Variants in RBBP6 observed in about 807,000 individuals in gnomAD.
RBBP6 encodes the protein E3 ubiquitin-protein ligase RBBP6.
A neutral mutation model predicts 167.7 loss-of-function variants in RBBP6; 25 were observed. That is an observed-to-expected ratio of 0.15 (90% CI 0.11 to 0.21). The LOEUF (loss-of-function observed/expected upper bound fraction) is 0.21, where lower values mean the gene tolerates loss of function less well. Ranked by LOEUF, RBBP6 falls within the 10% of genes least tolerant of loss-of-function variation. The pLI is 1.00. For synonymous variants in RBBP6, 789 were observed against 735.8 expected, an observed-to-expected ratio of 1.07 and a Z score of -1.17; for missense variants, 1,868 against 2,134.2, an observed-to-expected ratio of 0.88 and a Z score of 2.46.
intron 1 of RBBP6, among the ~76,000 whole-genome samples, chr16:24,545,497 T>G (rs1474494043): frequency 6.6e-6 from 1 of 152,214 alleles, no homozygotes; most frequent in Non-Finnish European, 1.5e-5. Context: ...GTCATTCTTT[T>G]CTTTTATTTT....
intron 8 of RBBP6, among the ~76,000 whole-genome samples, chr16:24,561,185 C>T (rs953155684): frequency 6.6e-6 from 1 of 151,938 alleles, no homozygotes; most frequent in African/African-American, 2.4e-5. Context: ...CTACAATATT[C>T]CAGTTACTAG....
chr16:24,560,900 A>G (rs1219055312), intron 8 of RBBP6, among the ~76,000 whole-genome samples: 1 of 152,196 alleles, frequency 6.6e-6, no homozygotes, highest in Non-Finnish European at 1.5e-5. Context: ...TCCCCTTTGG[A>G]TACCTGTAAA....
intron 4 of RBBP6, chr16:24,554,765 GTTTT>G (rs3840856): frequency 7.0e-6 from 1 of 143,132 alleles, no homozygotes; most frequent in African/African-American, 2.6e-5. Context: ...TGGGGGATTG[GTTTT>G]TTTTTTTTGT....
Position 24,571,090 on chromosome 16 carries a change from G to T in RBBP6, c.4024G>T (p.Val1342Leu). The T allele has an allele frequency of 4.3e-6, 7 of 1,612,358 alleles. No individual in the cohort carries two copies. Among genetic ancestry groups the T allele is most frequent in the Non-Finnish European group, 4.2e-6 (5 of 1,178,748 alleles). ...DVKSTQPISSVGKPASVIKNV... is the reference protein window; with the variant it reads ...DVKSTQPISSLGKPASVIKNV... The stretch of plus-strand genomic sequence containing the variant: ...TAAATCCACACAGCCTATATCAAGT[G>T]TAGGAAAACCTGCTAGTGTTATAAA... The change falls in exon 18 of 18, where the codon GTA becomes TTA. Residue 1342 changes from valine to leucine, a missense_variant. Physicochemically the swap from Val to Leu is conservative, Grantham distance 32 (BLOSUM62 1). Coordinates refer to ENST00000319715, the MANE Select transcript of RBBP6 (RefSeq NM_006910.5).
chr16:24,541,909 A>G (rs1191084036), intron 1 of RBBP6, among the ~76,000 whole-genome samples: 1 of 152,230 alleles, frequency 6.6e-6, no homozygotes, highest in African/African-American at 2.4e-5. Flanking sequence ...CCCCACCTCC[A>G]GCCTGTAGTT....
In RBBP6 at chr16:24,561,724, CTG is replaced by C. The variant is rs759680354; in HGVS notation, c.951+11_951+12del. 13 of 1,611,786 alleles carry C rather than the reference CTG, an allele frequency of 8.1e-6. No individual in the cohort carries two copies. The highest frequency in any genetic ancestry group is 1.7e-5 in the Admixed American group (1 of 59,998). On this transcript the variant is annotated intron_variant, in intron 9 of 17. Transcript: ENST00000319715. ...ATAAATTTTTACGACAGGTAACTGT[CTG>C]TATCCATTTTATGAAAAAATTCTTT...
chr16:24,555,757 C>G, intron 5 of RBBP6, 54 bp downstream of exon 5: 1 of 1,590,638 alleles, frequency 6.3e-7, no homozygotes, highest in South Asian at 1.1e-5. Context: ...GGTTTTCCCC[C>G]CCAATCAAAA....
chr16:24,569,626 G>A lies in RBBP6; in HGVS notation c.2936G>A (p.Ser979Asn). The A allele has an allele frequency of 1.9e-6, 3 of 1,612,566 alleles. No individual in the cohort carries two copies. Among genetic ancestry groups the A allele is most frequent in the Non-Finnish European group, 2.5e-6 (3 of 1,179,690 alleles). The change falls in exon 17 of 18, where the codon AGT becomes AAT. Residue 979 changes from serine to asparagine, a missense_variant. Ser to Asn is a conservative substitution (Grantham distance 46). Around this residue, in one of 7 missense-constraint regions of RBBP6, gnomAD observed 673 missense variants for 691.5 expected, o/e 0.97. Coordinates refer to ENST00000319715, the MANE Select transcript of RBBP6 (RefSeq NM_006910.5). ...NKTDSLFVLP[S>N]RDDATPVRDE... ...ACAGACTCATTGTTTGTTCTCCCAAGTAGAGATGATGCCACACCTGTTAGA... is the reference window on the plus strand; with the variant it reads ...ACAGACTCATTGTTTGTTCTCCCAAATAGAGATGATGCCACACCTGTTAGA...
intron 13 of RBBP6, among the ~76,000 whole-genome samples, 175 bp downstream of exon 13, chr16:24,563,839 G>A (rs1047387157): frequency 6.6e-6 from 1 of 151,382 alleles, no homozygotes; most frequent in Non-Finnish European, 1.5e-5. Context: ...CAAAATTCAA[G>A]CTTATATGAG....
Position 24,571,597 on chromosome 16 carries a change from CAGA to C in RBBP6, c.4533_4535del (p.Lys1512del). The C allele has an allele frequency of 6.2e-7, 1 of 1,610,940 alleles. No individual in the cohort carries two copies. Among genetic ancestry groups the C allele is most frequent in the Non-Finnish European group, 8.5e-7 (1 of 1,179,316 alleles). On this transcript the variant is annotated inframe_deletion, in exon 18 of 18. Transcript: ENST00000319715. ...TCGGAATAAAGATTCTGCATCTGGACAGAAAAATAAACCAAGGGAAGAGAGAGA... is the reference window on the plus strand; with the variant it reads ...TCGGAATAAAGATTCTGCATCTGGACAAAATAAACCAAGGGAAGAGAGAGA...
At position 24,540,303 on chromosome 16, in the gene RBBP6, C is replaced by T; in HGVS notation, c.-324C>T. ...ACCGCTACTGACTGCACCGCCAATC[C>T]CCCCGTCTCTGCCGGCCCCTTAGCA... On this transcript the variant is annotated 5_prime_UTR_variant, in exon 1 of 18. Transcript: ENST00000319715. 1 of 245,244 alleles carries T rather than the reference C, an allele frequency of 4.1e-6. No homozygotes were observed. The highest frequency in any genetic ancestry group is 8.1e-6 in the Non-Finnish European group (1 of 123,910). 15.2% of individuals were successfully genotyped at this position (245,244 alleles called of 1,614,324 possible).
intron 8 of RBBP6, among the ~76,000 whole-genome samples, chr16:24,561,114 C>G (rs1050291364): frequency 2.0e-5 from 3 of 152,134 alleles, no homozygotes; most frequent in Admixed American, 1.3e-4. Flanking sequence ...GAATAAAAAC[C>G]CCAAGTTAGC....
rs1050112830 is a variant in RBBP6 at position 24,567,042 on chromosome 16, T to C, written c.1590-101T>C. ...AGTTGAATAGTTGGTTCTATTCCAC[T>C]GTTTTTAAGTTTGAAAATAATTATG... On this transcript the variant is annotated intron_variant, in intron 14 of 17. Transcript: ENST00000319715. 2.3e-5 allele frequency: 29 copies of C among 1,267,494 alleles called. No individual in the cohort carries two copies. In the African/African-American group the frequency reaches 3.9e-4, roughly 17 times the overall value. 78.5% of individuals were successfully genotyped at this position (1,267,494 alleles called of 1,614,324 possible). A position where few individuals can be genotyped will look rare whatever the true frequency, so the allele number is the denominator to read the frequency against.
intron 1 of RBBP6, among the ~76,000 whole-genome samples, chr16:24,542,790 G>A (rs1898537352): frequency 2.0e-5 from 3 of 152,118 alleles, no homozygotes; most frequent in African/African-American, 7.2e-5. Context: ...AAAGAATCCT[G>A]TCCGGAAATT....
Position 24,560,491 on chromosome 16 carries a change from A to C in RBBP6, c.847+814A>C, listed in dbSNP as rs142964788. Among the ~76,000 whole-genome samples the C allele has an allele frequency of 9.0e-4, 137 of 152,322 alleles. 5 individuals carry two copies. The East Asian group carries it at 0.024, about 27-fold the overall frequency. ...TATTAGCACTTAGTTGTTTCCTGCC[A>C]CTTATCCTAAGTTTGTGCCTTCTTA... is the stretch of plus-strand genomic sequence containing the variant. On this transcript the variant is annotated intron_variant, in intron 8 of 17. Coordinates refer to ENST00000319715, the MANE Select transcript of RBBP6 (RefSeq NM_006910.5).
rs1222874566 is a variant in RBBP6, at chr16:24,568,030, T to C, written c.2054+137T>C. The stretch of plus-strand genomic sequence containing the variant: ...AGGTGTATAGAAGTGAAGATGTAGC[T>C]TATTTCCCAATATCTGTTCATTGAA... On this transcript the variant is annotated intron_variant, in intron 16 of 17. Transcript: ENST00000319715. 1.4e-5 allele frequency: 10 copies of C among 699,110 alleles called. No individual in the cohort carries two copies. The South Asian group carries it at 1.7e-4, about 12-fold the overall frequency. The allele number at this position is 699,110 out of a possible 1,614,324, so 43.3% of individuals were successfully genotyped here. A position where few individuals can be genotyped will look rare whatever the true frequency, so the allele number is the denominator to read the frequency against.
chr16:24,546,631 A>ATT (rs1384488005), intron 2 of RBBP6, among the ~76,000 whole-genome samples: 1 of 152,166 alleles, frequency 6.6e-6, no homozygotes, highest in Non-Finnish European at 1.5e-5. Context: ...GGTCCTAAAT[A>ATT]TTTTGACAGC....
chr16:24,569,586 G>A lies in RBBP6; in HGVS notation c.2896G>A (p.Val966Ile). The A allele has an allele frequency of 6.2e-7, 1 of 1,612,572 alleles. No individual in the cohort carries two copies. Among genetic ancestry groups the A allele is most frequent in the South Asian group, 1.1e-5 (1 of 90,672 alleles). The change falls in exon 17 of 18, where the codon GTT becomes ATT. Residue 966 changes from valine to isoleucine, a missense_variant. Val to Ile is a conservative substitution (Grantham distance 29). Transcript: ENST00000319715. ...TSRKSREPTG[V>I]EENKTDSLFV... ...TAGGAAATCAAGAGAACCTACAGGTGTTGAAGAAAATAAAACAGACTCATT... is the reference window on the plus strand; with the variant it reads ...TAGGAAATCAAGAGAACCTACAGGTATTGAAGAAAATAAAACAGACTCATT...
At chr16:24,552,365 A>G (rs1898817388) in intron 3 of RBBP6, among the ~76,000 whole-genome samples, 1 of 151,794 alleles carries the variant, frequency 6.6e-6, no homozygotes, top group Admixed American at 6.6e-5. Context: ...GGAACAGAAT[A>G]CCTGATGAAG....
Sources: gnomAD v4.1 joint callset for allele counts (sites outside exome capture counted in the v4.1 genomes callset) on GRCh38, gnomAD v4.1.1 for gene constraint, gnomAD v4.1.1 regional missense constraint, MANE v1.5 for transcripts, NCBI Gene and HGNC (gene_info 2026-07-23, HGNC 2026-07-21) for gene names.